Variants in ADGRE2 observed in about 807,000 individuals in gnomAD.
ADGRE2 encodes the protein adhesion G protein-coupled receptor E2, also known as CD97 antigen.
In ADGRE2, 83 loss-of-function variants were observed where a neutral mutation model predicts 100.8. That is an observed-to-expected ratio of 0.82 (90% CI 0.69 to 0.99). ADGRE2 has a LOEUF of 0.99. Ranked by LOEUF, ADGRE2 falls within the 50% of genes least tolerant of loss-of-function variation. ADGRE2 has a pLI of 0.00. For synonymous variants in ADGRE2, 355 were observed against 413.0 expected, an observed-to-expected ratio of 0.86 and a Z score of 1.70; for missense variants, 814 against 1,035.7, an observed-to-expected ratio of 0.79 and a Z score of 2.94.
rs1397562854 is a variant in ADGRE2 at position 14,732,898 on chromosome 19, C to A, written c.*3338G>T. 1 of 152,112 alleles carries A rather than the reference C, an allele frequency of 6.6e-6. No homozygotes were observed. Among genetic ancestry groups the A allele is most frequent in the Non-Finnish European group, 1.5e-5 (1 of 68,030 alleles). 9.4% of individuals were successfully genotyped at this position (152,112 alleles called of 1,614,324 possible). ...TGGTAGAATTGAGTTGCTGTAAATA[C>A]CTGGCTCACAAAGCCTAACATATAC... On this transcript the variant is annotated 3_prime_UTR_variant, in exon 21 of 21. Transcript: ENST00000315576.
At chr19:14,750,859 G>T (rs1042457788) in intron 16 of ADGRE2, among the ~76,000 whole-genome samples, 1 of 152,082 alleles carries the variant, frequency 6.6e-6, no homozygotes, top group African/African-American at 2.4e-5. Context: ...TCTTGCTCAG[G>T]CTGGAGTGCA....
rs2042714798 is a variant in ADGRE2, at chr19:14,734,494, A to G, written c.*1742T>C. 1 of 152,200 alleles carries G rather than the reference A, an allele frequency of 6.6e-6. No individual in the cohort carries two copies. The highest frequency in any genetic ancestry group is 2.1e-4 in the South Asian group (1 of 4,838). The allele number at this position is 152,200 out of a possible 1,614,324, so 9.4% of individuals were successfully genotyped here. A position where few individuals can be genotyped will look rare whatever the true frequency, so the allele number is the denominator to read the frequency against. On this transcript the variant is annotated 3_prime_UTR_variant, in exon 21 of 21. Coordinates refer to ENST00000315576, the MANE Select transcript of ADGRE2 (RefSeq NM_013447.4). ...AGTGTTTGTGCCATTGTACTCCAGC[A>G]TGGGTGACAAAGCAAGACCCTGCCT...
downstream of ADGRE2, chr19:14,731,078 C>A: frequency 9.5e-7 from 1 of 1,052,698 alleles, no homozygotes; most frequent in Non-Finnish European, 1.4e-6. Context: ...TCTCAAGCAC[C>A]GCCCCTCCTG....
At chr19:14,773,640 T>C (rs763547366) in intron 4 of ADGRE2, among the ~76,000 whole-genome samples, 5 of 152,116 alleles carry the variant, frequency 3.3e-5, no homozygotes, top group Non-Finnish European at 5.9e-5. Flanking sequence ...GTCTTCTGAG[T>C]AGCTGGGACT....
chr19:14,755,702 G>A lies in ADGRE2; in HGVS notation c.1368C>T (p.Asn456=), dbSNP rs759974915. ...CTGGGGAGCTGAGGTTTTGGGTGTC[G>A]TTGTTGCTCAGAAAGGCAGAGATCA... is the stretch of plus-strand genomic sequence containing the variant. The part of the protein sequence containing the change: ...SDVISAFLSN[N]DTQNLSSPVT... Residue 456 remains asparagine, a synonymous_variant, in exon 13 of 21, where the codon AAC becomes AAT. Coordinates refer to ENST00000315576, the MANE Select transcript of ADGRE2 (RefSeq NM_013447.4). The A allele has an allele frequency of 1.5e-5, 24 of 1,614,068 alleles. No homozygotes were observed. The East Asian group carries it at 2.2e-4, about 15-fold the overall frequency.
chr19:14,738,967 TTC>T (rs1555780281), intron 20 of ADGRE2, among the ~76,000 whole-genome samples: 16,274 of 130,062 alleles, frequency 0.13, 848 homozygotes, highest in Middle Eastern at 0.19. Context: ...TTCTTTTCTT[TTC>T]TTTTTTTTTT....
chr19:14,775,279 A>G (rs2044394249), intron 2 of ADGRE2, among the ~76,000 whole-genome samples: 1 of 152,092 alleles, frequency 6.6e-6, no homozygotes, highest in Non-Finnish European at 1.5e-5. Context: ...TGCTGGGATT[A>G]CAGGCATGAG....
At position 14,767,024 on chromosome 19, in the gene ADGRE2, G is replaced by C. The variant is rs778643418; in HGVS notation, c.441C>G (p.Cys147Trp). The C allele has an allele frequency of 8.8e-7, 1 of 1,136,276 alleles. No individual in the cohort carries two copies. 70.4% of individuals were successfully genotyped at this position (1,136,276 alleles called of 1,614,324 possible). A position where few individuals can be genotyped will look rare whatever the true frequency, so the allele number is the denominator to read the frequency against. Residue 147 changes from cysteine to tryptophan, a missense_variant, in exon 6 of 21, where the codon TGC (cysteine) becomes TGG (tryptophan). Cys to Trp is a radical substitution (Grantham distance 215). Transcript: ENST00000315576. Reference sequence around the variant, plus strand: ...CAGGTTTGAGCTTGAAGCCAGGCAGGCACTGGCACGTGTAGCTGCCGAGGG... The same window carrying C: ...CAGGTTTGAGCTTGAAGCCAGGCAGCCACTGGCACGTGTAGCTGCCGAGGG... ...VNTLGSYTCQCLPGFKLKPED... is the reference protein window; with the variant it reads ...VNTLGSYTCQWLPGFKLKPED...
At chr19:14,744,835 T>A (rs986223137) in intron 18 of ADGRE2, among the ~76,000 whole-genome samples, 2 of 151,808 alleles carry the variant, frequency 1.3e-5, no homozygotes, top group African/African-American at 4.8e-5. Flanking sequence ...GAACTGAGGG[T>A]ACGGTATGAA....
intron 20 of ADGRE2, among the ~76,000 whole-genome samples, chr19:14,740,891 C>T (rs554738888): frequency 4.7e-4 from 72 of 152,084 alleles, no homozygotes; most frequent in African/African-American, 1.7e-3. Context: ...CATGCACCAC[C>T]ATGCCCAGCT....
At chr19:14,745,038 C>T (rs2043046079) in intron 18 of ADGRE2, among the ~76,000 whole-genome samples, 2 of 151,694 alleles carry the variant, frequency 1.3e-5, no homozygotes, top group South Asian at 2.1e-4. Flanking sequence ...TACAGGCACC[C>T]GCCACCACGC....
At chr19:14,731,146 A>G, downstream of ADGRE2, 3 of 1,523,180 alleles carry the variant, frequency 2.0e-6, no homozygotes, top group South Asian at 3.6e-5. Flanking sequence ...TCTTTCCCTC[A>G]TTCTTCCTCC....
In ADGRE2 at chr19:14,739,758, A is replaced by C. The variant is rs1393012430; in HGVS notation, c.2464-3514T>G. ...TGCCCTGGATTGTCTTGGTGAACCC[A>C]ATGTAATCATCAAGGTCTTTATAAA... On this transcript the variant is annotated intron_variant, in intron 20 of 20. Coordinates refer to ENST00000315576, the MANE Select transcript of ADGRE2 (RefSeq NM_013447.4). Among the ~76,000 whole-genome samples the C allele has an allele frequency of 2.6e-5, 4 of 152,316 alleles. No homozygotes were observed. The East Asian group carries it at 7.7e-4, about 29-fold the overall frequency.
chr19:14,765,257 C>A, intron 10 of ADGRE2, 63 bp downstream of exon 10: 2 of 1,589,220 alleles, frequency 1.3e-6, no homozygotes, highest in Admixed American at 1.7e-5. Context: ...CAAACTGCCC[C>A]AGGCCTCTGT....
chr19:14,762,470 C>G (rs1458115556), intron 11 of ADGRE2, among the ~76,000 whole-genome samples: 3 of 151,902 alleles, frequency 2.0e-5, no homozygotes, highest in Admixed American at 2.0e-4. Context: ...TTAGCGGCTG[C>G]CATGGGTTGG....
chr19:14,752,938 A>C (rs2043347840), intron 14 of ADGRE2, among the ~76,000 whole-genome samples: 1 of 151,972 alleles, frequency 6.6e-6, no homozygotes, highest in Non-Finnish European at 1.5e-5. Flanking sequence ...TGCCAGGCTA[A>C]TTTTTATACT....
intron 20 of ADGRE2, among the ~76,000 whole-genome samples, chr19:14,738,033 A>G (rs1050501605): frequency 6.6e-5 from 10 of 152,052 alleles, no homozygotes; most frequent in Non-Finnish European, 1.5e-4. Flanking sequence ...ACATTAATCT[A>G]CCATACATTT....
intron 20 of ADGRE2, among the ~76,000 whole-genome samples, chr19:14,738,256 C>T (rs944323708): frequency 6.6e-6 from 1 of 152,152 alleles, no homozygotes; most frequent in South Asian, 2.1e-4. Flanking sequence ...CCTCGGAGCT[C>T]CAGGGTTTGT....
downstream of ADGRE2, among the ~76,000 whole-genome samples, chr19:14,728,939 A>G (rs559104535): frequency 6.6e-6 from 1 of 152,190 alleles, no homozygotes; most frequent in Admixed American, 6.5e-5. Context: ...ATGTAAGCTG[A>G]CCCGATTGGC....
Sources: allele counts gnomAD v4.1 joint callset (sites outside exome capture counted in the v4.1 genomes callset), GRCh38; gene constraint gnomAD v4.1.1; transcripts MANE v1.5; gene names NCBI Gene and HGNC (gene_info 2026-07-23, HGNC 2026-07-21).